THADA: variants seen among roughly 807,000 people sequenced by gnomAD.
The protein encoded by THADA is tRNA (32-2'-O)-methyltransferase regulator THADA.
Under a neutral mutation model 219.8 loss-of-function variants are expected in THADA, and 213 were observed. That is an observed-to-expected ratio of 0.97 (90% CI 0.87 to 1.09). The LOEUF (loss-of-function observed/expected upper bound fraction) is 1.09, where lower values mean the gene tolerates loss of function less well. Ranked by LOEUF, THADA falls within the 50% of genes least tolerant of loss-of-function variation. The pLI, the probability that THADA is intolerant of heterozygous loss-of-function variation, is 0.00. For synonymous variants in THADA, 1,018 were observed against 828.9 expected, an observed-to-expected ratio of 1.23 and a Z score of -3.92; for missense variants, 2,956 against 2,311.3, an observed-to-expected ratio of 1.28 and a Z score of -5.72.
intron 22 of THADA, among the ~76,000 whole-genome samples, chr2:43,510,636 C>A (rs1298764025): frequency 4.0e-5 from 6 of 149,754 alleles, no homozygotes. Flanking sequence ...TAGATTACTG[C>A]CTTCTTTTGT....
chr2:43,505,766 G>T (rs1689596346), intron 23 of THADA, 31 bp from the exon 24 acceptor site: 18 of 1,482,226 alleles, frequency 1.2e-5, no homozygotes, highest in Non-Finnish European at 1.7e-5. Context: ...AATTAACAGG[G>T]TTCTTAGTTT....
At chr2:43,293,360 C>A in intron 31 of THADA, 147 bp from the exon 32 acceptor site, 1 of 893,422 alleles carries the variant, frequency 1.1e-6, no homozygotes, top group South Asian at 1.9e-5. Context: ...AGTGAGTGGC[C>A]CTCTAAGGTT....
At chr2:43,463,916 G>T (rs758542844) in intron 26 of THADA, among the ~76,000 whole-genome samples, 4 of 152,120 alleles carry the variant, frequency 2.6e-5, no homozygotes, top group Non-Finnish European at 4.4e-5. Flanking sequence ...TTTAAAATTT[G>T]CCGGAAGAAG....
intron 9 of THADA, 85 bp downstream of exon 9, chr2:43,578,428 T>A: frequency 1.0e-5 from 10 of 973,752 alleles, no homozygotes; most frequent in Non-Finnish European, 1.5e-5. Flanking sequence ...ATTATAAGTG[T>A]GAGCCACTGC....
intron 22 of THADA, among the ~76,000 whole-genome samples, chr2:43,513,407 G>A (rs1690745928): frequency 6.6e-6 from 1 of 152,196 alleles, no homozygotes; most frequent in Non-Finnish European, 1.5e-5. Flanking sequence ...TAGTGAGTGT[G>A]CTGATACCAG....
intron 25 of THADA, among the ~76,000 whole-genome samples, chr2:43,488,896 G>A (rs939100547): frequency 2.6e-5 from 4 of 152,248 alleles, no homozygotes; most frequent in African/African-American, 7.2e-5. Context: ...GTAACTCATT[G>A]TAGCATTTCC....
intron 26 of THADA, among the ~76,000 whole-genome samples, chr2:43,441,613 C>G (rs1350999056): frequency 1.3e-5 from 2 of 152,156 alleles, no homozygotes; most frequent in African/African-American, 4.8e-5. Flanking sequence ...GATATCAACA[C>G]CAGCCTTCAA....
chr2:43,526,024 A>G (rs1558911931), intron 22 of THADA, among the ~76,000 whole-genome samples: 1 of 152,124 alleles, frequency 6.6e-6, no homozygotes, highest in Non-Finnish European at 1.5e-5. Context: ...CATCAATCTC[A>G]TGTTTTAAAT....
chr2:43,280,717 G>A (rs1673246113), intron 35 of THADA, among the ~76,000 whole-genome samples: 1 of 152,158 alleles, frequency 6.6e-6, no homozygotes, highest in Admixed American at 6.6e-5. Context: ...TGTGTCCCAT[G>A]TATGTAGGGG....
chr2:43,394,547 T>G (rs1673794402), intron 29 of THADA, among the ~76,000 whole-genome samples: 1 of 152,232 alleles, frequency 6.6e-6, no homozygotes, highest in African/African-American at 2.4e-5. Flanking sequence ...GACCATTCCT[T>G]TCAATCCCTA....
At chr2:43,559,630 T>C (rs1697818482) in intron 16 of THADA, among the ~76,000 whole-genome samples, 1 of 152,120 alleles carries the variant, frequency 6.6e-6, no homozygotes, top group South Asian at 2.1e-4. Flanking sequence ...CCCCACACAA[T>C]GTGTTCACTT....
chr2:43,283,947 G>C (rs1483327705), intron 35 of THADA, among the ~76,000 whole-genome samples: 1 of 152,230 alleles, frequency 6.6e-6, no homozygotes, highest in African/African-American at 2.4e-5. Context: ...GGGAGGCTGA[G>C]ATGGGTGGAT....
chr2:43,307,036 C>T (rs1329381391), intron 31 of THADA, among the ~76,000 whole-genome samples: 3 of 152,194 alleles, frequency 2.0e-5, no homozygotes, highest in Non-Finnish European at 4.4e-5. Flanking sequence ...GTGATTTTTG[C>T]TTCTGTCTAT....
intron 28 of THADA, among the ~76,000 whole-genome samples, chr2:43,400,521 C>T (rs6751298): frequency 0.22 from 30,169 of 140,296 alleles, 3,467 homozygotes; most frequent in South Asian, 0.3. Flanking sequence ...ACTGTTTTGT[C>T]GCCTACTGGC....
intron 31 of THADA, among the ~76,000 whole-genome samples, chr2:43,309,743 G>C (rs898690936): frequency 9.9e-5 from 15 of 152,174 alleles, no homozygotes; most frequent in Admixed American, 2.0e-4. Context: ...TCAGGAATGA[G>C]ACAAGATGTC....
At chr2:43,492,132 G>A (rs1292305463) in intron 25 of THADA, 1 of 152,148 alleles carries the variant, frequency 6.6e-6, no homozygotes, top group African/African-American at 2.4e-5. Flanking sequence ...GGCCGACATG[G>A]TGAAACCCCA....
At chr2:43,575,796 G>A (rs191508525) in intron 10 of THADA, among the ~76,000 whole-genome samples, 17 of 152,222 alleles carry the variant, frequency 1.1e-4, no homozygotes, top group Admixed American at 1.0e-3. Flanking sequence ...CCTGAGATCT[G>A]CAAGCCTGGG....
rs767341032 is a variant in THADA at position 43,572,906 on chromosome 2, C to A, written c.1816G>T (p.Ala606Ser). 8.1e-6 allele frequency: 13 copies of A among 1,613,838 alleles called. No individual in the cohort carries two copies. The South Asian group carries it at 1.3e-4, about 16-fold the overall frequency. Residue 606 changes from alanine to serine, a missense_variant, in exon 12 of 38, where the codon GCT becomes TCT. Ala to Ser is a moderately conservative substitution (Grantham distance 99). Transcript: ENST00000405975. ...GTTGCAGACTGAAGATGTCCATGAG[C>A]TCTAGCTATTCGCAGACATGCCATC... The part of the protein sequence containing the change: ...ALMACLRIAR[A>S]HGHLQSATDT...
chr2:43,289,996 G>A (rs1205754971), intron 34 of THADA, among the ~76,000 whole-genome samples: 2 of 116,010 alleles, frequency 1.7e-5, no homozygotes. Flanking sequence ...TTTTTTTTGA[G>A]ACAGGGTCTT....
Sources: gnomAD v4.1 joint callset for allele counts (sites outside exome capture counted in the v4.1 genomes callset) on GRCh38, gnomAD v4.1.1 for gene constraint, MANE v1.5 for transcripts, NCBI Gene and HGNC (gene_info 2026-07-23, HGNC 2026-07-21) for gene names.